The following MTA3 variants were observed in gnomAD, a reference collection of about 807,000 sequenced individuals.
MTA3 encodes the protein metastasis associated 1 family member 3, also known as metastasis-associated protein MTA3.
A neutral mutation model predicts 83.5 loss-of-function variants in MTA3; 34 were observed. The observed-to-expected ratio is 0.41, with a 90% CI of 0.31 to 0.54. The LOEUF is 0.54. MTA3 is among the 20% of genes least tolerant of loss of function. The probability of loss-of-function intolerance (pLI) is 0.33; values close to 1 mark genes in which losing one functional copy is unlikely to be tolerated. For synonymous variants in MTA3, 303 were observed against 252.7 expected, an observed-to-expected ratio of 1.20 and a Z score of -1.89; for missense variants, 761 against 726.4, an observed-to-expected ratio of 1.05 and a Z score of -0.55.
At chr2:42,522,860 G>C (rs1675488827) in intron 2 of MTA3, among the ~76,000 whole-genome samples, 1 of 148,474 alleles carries the variant, frequency 6.7e-6, no homozygotes. Context: ...GTAGGCTAGA[G>C]TGCAGTGGCA....
intron 16 of MTA3, among the ~76,000 whole-genome samples, chr2:42,724,897 C>G (rs1253232420): frequency 1.3e-5 from 2 of 152,240 alleles, no homozygotes; most frequent in African/African-American, 4.8e-5. Context: ...CATTGCTTCT[C>G]TGCTCTGAAC....
At chr2:42,708,746 A>G in intron 13 of MTA3, 128 bp from the exon 14 acceptor site, 1 of 947,578 alleles carries the variant, frequency 1.1e-6, no homozygotes, top group Non-Finnish European at 1.6e-6. Context: ...GAGGTAGTGC[A>G]CCAAGTGACG....
chr2:42,608,178 G>C (rs984424800), intron 3 of MTA3, among the ~76,000 whole-genome samples: 3 of 152,166 alleles, frequency 2.0e-5, no homozygotes. Context: ...TAGCTCTGTA[G>C]GGTATGCATT....
intron 14 of MTA3, among the ~76,000 whole-genome samples, chr2:42,710,703 C>G (rs1310717892): frequency 6.6e-6 from 1 of 152,188 alleles, no homozygotes; most frequent in Non-Finnish European, 1.5e-5. Flanking sequence ...TACGTTACCA[C>G]TTTCCCATTT....
At chr2:42,728,638 A>C (rs576049788) in intron 16 of MTA3, among the ~76,000 whole-genome samples, 1 of 152,238 alleles carries the variant, frequency 6.6e-6, no homozygotes, top group African/African-American at 2.4e-5. Flanking sequence ...TGCCTTTTGG[A>C]TAAGAGCTAT....
chr2:42,701,405 A>G lies in MTA3; in HGVS notation c.1026-2789A>G, dbSNP rs189008756. 3.2e-3 allele frequency among the ~76,000 whole-genome samples: 436 copies of G among 134,436 alleles called. 3 individuals carry two copies. Among genetic ancestry groups the G allele is most frequent in the Non-Finnish European group, 5.1e-3 (325 of 64,346 alleles). The allele number at this position is 134,436 out of a possible 152,430, so 88.2% of individuals were successfully genotyped here. On this transcript the variant is annotated intron_variant, in intron 11 of 16. Coordinates refer to ENST00000405094, the MANE Select transcript of MTA3 (RefSeq NM_001330442.2). ...AACTCAAGACCAGCCTGGGTAACATAGAGTCCCTGTATCTATCAAAAAAAA... is the reference window on the plus strand; with the variant it reads ...AACTCAAGACCAGCCTGGGTAACATGGAGTCCCTGTATCTATCAAAAAAAA...
intron 3 of MTA3, among the ~76,000 whole-genome samples, chr2:42,583,375 A>G (rs1679884592): frequency 6.6e-6 from 1 of 152,214 alleles, no homozygotes; most frequent in Non-Finnish European, 1.5e-5. Flanking sequence ...GACAGCACAT[A>G]AAGTTGTCTG....
intron 3 of MTA3, among the ~76,000 whole-genome samples, chr2:42,597,902 G>C (rs1682024299): frequency 6.6e-6 from 1 of 151,618 alleles, no homozygotes; most frequent in East Asian, 1.9e-4. Flanking sequence ...GGCTGGTCTT[G>C]AACTCCTGGG....
At chr2:42,750,905 C>T (rs890960996) in intron 16 of MTA3, among the ~76,000 whole-genome samples, 1 of 152,204 alleles carries the variant, frequency 6.6e-6, no homozygotes, top group East Asian at 1.9e-4. Context: ...CCTTTAACTC[C>T]TCTTCCTTGC....
chr2:42,734,492 T>A (rs532186590), intron 16 of MTA3, among the ~76,000 whole-genome samples: 10 of 118,678 alleles, frequency 8.4e-5, no homozygotes, highest in East Asian at 7.9e-4. Flanking sequence ...TTTTTTTTTT[T>A]AATCCATTCA....
At chr2:42,530,379 T>A (rs1417884843) in intron 2 of MTA3, among the ~76,000 whole-genome samples, 1 of 151,464 alleles carries the variant, frequency 6.6e-6, no homozygotes, top group African/African-American at 2.4e-5. Context: ...CCCAGCTACT[T>A]GGGAGGCTGA....
At chr2:42,610,639 G>A (rs982461795) in intron 4 of MTA3, among the ~76,000 whole-genome samples, 3 of 152,144 alleles carry the variant, frequency 2.0e-5, no homozygotes, top group Non-Finnish European at 2.9e-5. Flanking sequence ...TCATTGTAGT[G>A]TATAATCAGT....
At chr2:42,528,792 C>T (rs1320164062) in intron 2 of MTA3, among the ~76,000 whole-genome samples, 8 of 152,156 alleles carry the variant, frequency 5.3e-5, no homozygotes, top group East Asian at 1.9e-4. Context: ...GAGCAAAGAA[C>T]GACTTGTGAC....
chr2:42,683,516 C>T (rs1481364460), intron 9 of MTA3, among the ~76,000 whole-genome samples: 2 of 152,062 alleles, frequency 1.3e-5, no homozygotes, highest in Admixed American at 1.3e-4. Context: ...TTATTGTGCA[C>T]TTCATTTCTA....
intron 2 of MTA3, among the ~76,000 whole-genome samples, chr2:42,530,137 A>T (rs964885979): frequency 6.7e-6 from 1 of 150,202 alleles, no homozygotes; most frequent in African/African-American, 2.5e-5. Context: ...GTGAGCCAAG[A>T]TCATACCACT....
intron 4 of MTA3, among the ~76,000 whole-genome samples, chr2:42,638,501 A>AC (rs1687397092): frequency 6.6e-6 from 1 of 151,770 alleles, no homozygotes; most frequent in Non-Finnish European, 1.5e-5. Flanking sequence ...CAGTCCCCCA[A>AC]CCGCGAGTAG....
intron 15 of MTA3, among the ~76,000 whole-genome samples, chr2:42,722,482 T>C (rs1215950587): frequency 6.6e-6 from 1 of 152,170 alleles, no homozygotes; most frequent in Non-Finnish European, 1.5e-5. Flanking sequence ...ATACGTGACA[T>C]GGTGCCTGGT....
chr2:42,564,864 C>T (rs1252480160), upstream of MTA3, among the ~76,000 whole-genome samples: 1 of 152,154 alleles, frequency 6.6e-6, no homozygotes, highest in African/African-American at 2.4e-5. Context: ...GCAATCTCTG[C>T]CTCCTGGGTT....
At chr2:42,497,333 TC>T (rs920969313) in intron 2 of MTA3, among the ~76,000 whole-genome samples, 1 of 152,040 alleles carries the variant, frequency 6.6e-6, no homozygotes, top group African/African-American at 2.4e-5. Context: ...ATGCCTGTAA[TC>T]CCAGCACTTT....
Sources: gnomAD v4.1 joint callset for allele counts (sites outside exome capture counted in the v4.1 genomes callset) on GRCh38, gnomAD v4.1.1 for gene constraint, MANE v1.5 for transcripts, NCBI Gene and HGNC (gene_info 2026-07-23, HGNC 2026-07-21) for gene names.